EXOC1: variants seen among roughly 807,000 people sequenced by gnomAD.
The protein encoded by EXOC1 is exocyst complex component 1, also known as SEC3-like 1.
A neutral mutation model predicts 107.7 loss-of-function variants in EXOC1; 67 were observed. That is an observed-to-expected ratio of 0.62 (90% CI 0.51 to 0.76). The LOEUF (loss-of-function observed/expected upper bound fraction) is 0.76. Among genes scored for constraint, EXOC1 ranks in the 30% least tolerant of loss-of-function variants. The pLI is 0.00. For missense variants in EXOC1, 833 were observed against 1,055.7 expected (o/e 0.79, Z 2.92); for synonymous variants, 348 against 353.5 (o/e 0.98, Z 0.17).
chr4:55,870,995 C>G (rs1722378037), intron 6 of EXOC1, 90 bp downstream of exon 6: 2 of 1,543,398 alleles, frequency 1.3e-6, no homozygotes, highest in Non-Finnish European at 1.8e-6. Context: ...CTTGTGAGAA[C>G]AGGATTTAAA....
At chr4:55,858,515 G>A in intron 2 of EXOC1, 68 bp downstream of exon 2, 1 of 1,444,322 alleles carries the variant, frequency 6.9e-7, no homozygotes, top group Non-Finnish European at 9.2e-7. Context: ...TTTCCTCTTT[G>A]TTTTGAATAT....
intron 11 of EXOC1, 122 bp downstream of exon 11, chr4:55,889,054 G>A (rs2109446916): frequency 1.1e-6 from 1 of 871,456 alleles, no homozygotes; most frequent in Admixed American, 2.1e-5. Context: ...CCAGGTATTG[G>A]TGAAAGAAAG....
intron 3 of EXOC1, 85 bp from the exon 4 acceptor site, chr4:55,864,142 C>A: frequency 1.2e-6 from 1 of 847,844 alleles, no homozygotes; most frequent in Non-Finnish European, 1.7e-6. Context: ...TTTCCAAAAA[C>A]AGCGTAAATG....
At chr4:55,854,519 T>C (rs546457033) in intron 1 of EXOC1, among the ~76,000 whole-genome samples, 1 of 152,332 alleles carries the variant, frequency 6.6e-6, no homozygotes, top group East Asian at 1.9e-4. Flanking sequence ...AGTTAATCAC[T>C]CGACTCTTAG....
intron 8 of EXOC1, chr4:55,875,956 TA>T: frequency 1.1e-6 from 1 of 945,804 alleles, no homozygotes; most frequent in Non-Finnish European, 1.3e-6. Context: ...TTTATAGACC[TA>T]AAACTATAAT....
rs759281698 is a variant in EXOC1, at chr4:55,868,858, G to A, written c.603+335G>A. ...CTGAATAGTTCAGTGCCAAAGAATA[G>A]CATTTGTGTGTATGTGTGTGGTTTG... is the stretch of plus-strand genomic sequence containing the variant. On this transcript the variant is annotated intron_variant, in intron 5 of 18. Coordinates refer to ENST00000381295, the MANE Select transcript of EXOC1 (RefSeq NM_001024924.2). The A allele has an allele frequency of 2.7e-5, 5 of 183,968 alleles. No individual in the cohort carries two copies. The East Asian group carries it at 6.4e-4, about 23-fold the overall frequency. The allele number at this position is 183,968 out of a possible 1,614,324, so 11.4% of individuals were successfully genotyped here. A position where few individuals can be genotyped will look rare whatever the true frequency, so the allele number is the denominator to read the frequency against.
rs561752142 is a variant in EXOC1, at chr4:55,893,199, G to A, written c.1725-353G>A. On this transcript the variant is annotated intron_variant, in intron 14 of 18. Transcript: ENST00000381295. The stretch of plus-strand genomic sequence containing the variant: ...GGCGCCATCTCAGCTCACTGCAACT[G>A]CACTTCACCTCCCGGGTTCAAGCGA... 4.7e-4 allele frequency among the ~76,000 whole-genome samples: 72 copies of A among 152,210 alleles called. 2 individuals carry two copies. In the South Asian group the frequency reaches 9.7e-3, roughly 21 times the overall value.
chr4:55,868,369 CAGG>C lies in EXOC1; in HGVS notation c.453_455del (p.Gly152del). ...CCAAGTGGAGAAAATCAGAGTGTGA[CAGG>C]AGGTGATGAAGAAGTAGTAGATGAA... On this transcript the variant is annotated inframe_deletion, in exon 5 of 19. Coordinates refer to ENST00000381295, the MANE Select transcript of EXOC1 (RefSeq NM_001024924.2). 1.2e-6 allele frequency: 2 copies of C among 1,612,722 alleles called. No homozygotes were observed. Among genetic ancestry groups the C allele is most frequent in the Non-Finnish European group, 1.7e-6 (2 of 1,179,274 alleles).
chr4:55,896,494 G>A (rs990425293), intron 15 of EXOC1, among the ~76,000 whole-genome samples: 1 of 152,112 alleles, frequency 6.6e-6, no homozygotes, highest in African/African-American at 2.4e-5. Context: ...TAAACTTACT[G>A]TAAAATGGTT....
intron 8 of EXOC1, chr4:55,875,412 T>A (rs1270412911): frequency 1.0e-6 from 1 of 980,472 alleles, no homozygotes; most frequent in East Asian, 1.1e-4. Flanking sequence ...AAAGAAGGAG[T>A]TCCAAATCTT....
intron 10 of EXOC1, among the ~76,000 whole-genome samples, chr4:55,887,534 T>C (rs1377479004): frequency 6.6e-6 from 1 of 152,108 alleles, no homozygotes; most frequent in Non-Finnish European, 1.5e-5. Flanking sequence ...TAGGCTGTTT[T>C]ATGAACCTCA....
intron 15 of EXOC1, among the ~76,000 whole-genome samples, chr4:55,896,377 C>G (rs1460364864): frequency 6.6e-6 from 1 of 152,158 alleles, no homozygotes; most frequent in Admixed American, 6.5e-5. Flanking sequence ...CTCTTGGCCT[C>G]AAGCGATCCA....
chr4:55,864,982 G>C (rs907638646), intron 4 of EXOC1, among the ~76,000 whole-genome samples: 6 of 152,122 alleles, frequency 3.9e-5, no homozygotes, highest in Admixed American at 3.9e-4. Context: ...ATATGACTTT[G>C]CATTGATACT....
intron 3 of EXOC1, among the ~76,000 whole-genome samples, chr4:55,862,056 C>CA (rs5858352): frequency 0.042 from 6,072 of 144,090 alleles, 172 homozygotes; most frequent in Admixed American, 0.087. Context: ...TCTGTCTCCA[C>CA]AAAAAAAAAC....
At chr4:55,892,545 G>T in intron 13 of EXOC1, 90 bp from the exon 14 acceptor site, 2 of 975,010 alleles carry the variant, frequency 2.1e-6, no homozygotes, top group Non-Finnish European at 1.6e-6. Context: ...TCTTTCCTAG[G>T]AATTTTAAGA....
chr4:55,865,974 C>A (rs539666426), intron 4 of EXOC1, among the ~76,000 whole-genome samples: 1 of 151,932 alleles, frequency 6.6e-6, no homozygotes, highest in South Asian at 2.1e-4. Context: ...TTGCTATATA[C>A]GTCAGTAACT....
chr4:55,875,642 GAGAAAAATTAATGAGGA>G (rs1722829046), intron 8 of EXOC1: 39 of 985,152 alleles, frequency 4.0e-5, no homozygotes, highest in Non-Finnish European at 4.6e-5. Context: ...TTGAATCATT[GAGAAAAATTAATGAGGA>G]AGATTGTTTT....
At chr4:55,872,787 G>A (rs1722563850) in intron 8 of EXOC1, 1 of 979,568 alleles carries the variant, frequency 1.0e-6, no homozygotes, top group Non-Finnish European at 1.2e-6. Context: ...TCTATAACAG[G>A]TCCTACTTTC....
intron 16 of EXOC1, among the ~76,000 whole-genome samples, chr4:55,899,134 T>C (rs1725593478): frequency 6.6e-6 from 1 of 152,164 alleles, no homozygotes; most frequent in Admixed American, 6.5e-5. Flanking sequence ...TTCATTGATT[T>C]TGTATATGGT....
Sources: allele counts gnomAD v4.1 joint callset (sites outside exome capture counted in the v4.1 genomes callset), GRCh38; gene constraint gnomAD v4.1.1; transcripts MANE v1.5; gene names NCBI Gene and HGNC (gene_info 2026-07-23, HGNC 2026-07-21).